The following ANKRD27 variants were observed in gnomAD, a reference collection of about 807,000 sequenced individuals.
ANKRD27 encodes ankyrin repeat domain 27.
In ANKRD27, 112 loss-of-function variants were observed where a neutral mutation model predicts 129.7. That is an observed-to-expected ratio of 0.86 (90% CI 0.74 to 1.01). The LOEUF is 1.01. Among genes scored for constraint, ANKRD27 ranks in the 50% least tolerant of loss-of-function variants. The pLI, the probability that ANKRD27 is intolerant of heterozygous loss-of-function variation, is 0.00. For missense variants in ANKRD27, 1,258 were observed against 1,300.5 expected (o/e 0.97, Z 0.50); for synonymous variants, 516 against 511.2 (o/e 1.01, Z -0.13).
chr19:32,666,495 C>T (rs10422710), intron 1 of ANKRD27: 7,515 of 152,292 alleles, frequency 0.049, 570 homozygotes, highest in African/African-American at 0.15. Context: ...CTGCTCCATG[C>T]TGCTAACTAA....
intron 16 of ANKRD27, 39 bp from the exon 17 acceptor site, chr19:32,626,005 G>T (rs200159829): frequency 6.5e-7 from 1 of 1,527,938 alleles, no homozygotes; most frequent in South Asian, 1.2e-5. Context: ...GGGCACAGCC[G>T]GCTCCCTGGG....
intron 26 of ANKRD27, among the ~76,000 whole-genome samples, chr19:32,601,531 G>A (rs1454755474): frequency 7.0e-6 from 1 of 143,278 alleles, no homozygotes; most frequent in Non-Finnish European, 1.5e-5. Context: ...AGAATGGCGT[G>A]AACCCAGGAG....
intron 1 of ANKRD27, among the ~76,000 whole-genome samples, chr19:32,666,077 T>C (rs1967749340): frequency 6.6e-6 from 1 of 152,216 alleles, no homozygotes; most frequent in African/African-American, 2.4e-5. Context: ...CCTATAATTA[T>C]GAATTTTATC....
intron 12 of ANKRD27, among the ~76,000 whole-genome samples, chr19:32,632,161 T>C (rs751700688): frequency 4.6e-5 from 7 of 151,898 alleles, no homozygotes; most frequent in South Asian, 2.1e-4. Flanking sequence ...TGGTGGTACA[T>C]GCCTGTAGTC....
chr19:32,615,343 G>A (rs1226585859), intron 22 of ANKRD27, among the ~76,000 whole-genome samples: 1 of 152,162 alleles, frequency 6.6e-6, no homozygotes, highest in African/African-American at 2.4e-5. Flanking sequence ...CCAGCACTGT[G>A]GGAGGCTGAG....
chr19:32,656,188 A>G (rs1205160815), intron 2 of ANKRD27, among the ~76,000 whole-genome samples: 2 of 152,226 alleles, frequency 1.3e-5, no homozygotes, highest in Non-Finnish European at 2.9e-5. Context: ...CACCATGCTG[A>G]GCAAGATAGA....
intron 2 of ANKRD27, among the ~76,000 whole-genome samples, chr19:32,652,065 TA>T (rs1219823841): frequency 6.6e-6 from 1 of 152,184 alleles, no homozygotes; most frequent in Non-Finnish European, 1.5e-5. Context: ...TTGCCTGGGA[TA>T]GGGGGTAGAG....
At chr19:32,674,080 C>T (rs1354770815) in intron 1 of ANKRD27, among the ~76,000 whole-genome samples, 1 of 151,984 alleles carries the variant, frequency 6.6e-6, no homozygotes, top group Non-Finnish European at 1.5e-5. Context: ...TTGCTTGAGT[C>T]CAGGAGTTTG....
chr19:32,650,911 G>GC (rs1270013332), intron 2 of ANKRD27, among the ~76,000 whole-genome samples: 2 of 85,140 alleles, frequency 2.3e-5, no homozygotes, highest in Non-Finnish European at 5.4e-5. Context: ...ACCATGACCA[G>GC]CATTTTTTTT....
At chr19:32,619,039 G>T (rs1213988813) in intron 20 of ANKRD27, among the ~76,000 whole-genome samples, 1 of 152,210 alleles carries the variant, frequency 6.6e-6, no homozygotes. Flanking sequence ...TGCTGCTCAG[G>T]GAGTGGTCCA....
At chr19:32,610,968 G>GA (rs1171318059) in intron 22 of ANKRD27, among the ~76,000 whole-genome samples, 15 of 150,200 alleles carry the variant, frequency 1.0e-4, no homozygotes, top group African/African-American at 2.9e-4. Context: ...GTGACAGAGT[G>GA]AAACCCCATC....
At chr19:32,625,780 T>G in intron 17 of ANKRD27, 94 bp downstream of exon 17, 6 of 1,103,930 alleles carry the variant, frequency 5.4e-6, no homozygotes, top group Non-Finnish European at 7.5e-6. Flanking sequence ...GTTCCAATAA[T>G]TATCGACACA....
chr19:32,636,207 G>T, intron 12 of ANKRD27: 1 of 161,458 alleles, frequency 6.2e-6, no homozygotes, highest in South Asian at 1.6e-4. Context: ...AGCCTCAGAC[G>T]ACTGCTGAGC....
intron 14 of ANKRD27, 24 bp downstream of exon 14, chr19:32,628,698 G>A: frequency 6.2e-7 from 1 of 1,613,202 alleles, no homozygotes; most frequent in Non-Finnish European, 8.5e-7. Context: ...CTGGCACTCT[G>A]AGCCTCCACC....
rs1382656686 is a variant in ANKRD27, at chr19:32,642,075, C to T, written c.853G>A (p.Val285Ile). ...NKCTSPQQKL[V>I]CLRKVVQLIT... ...AGCTGCACCACTTTTCGCAAGCAGA[C>T]AAGCTTCTGCTGTGGGGAGGTGCAT... The change falls in exon 10 of 29, where the codon GTC becomes ATC. Residue 285 changes from valine (V) to isoleucine (I), a missense_variant. Val to Ile is a conservative substitution (Grantham distance 29). Transcript: ENST00000306065. The T allele has an allele frequency of 6.2e-7, 1 of 1,611,288 alleles. No individual in the cohort carries two copies. The highest frequency in any genetic ancestry group is 8.5e-7 in the Non-Finnish European group (1 of 1,177,988).
At chr19:32,606,979 A>AAAAAAT (rs1971751882) in intron 23 of ANKRD27, among the ~76,000 whole-genome samples, 1 of 137,346 alleles carries the variant, frequency 7.3e-6, no homozygotes, top group Non-Finnish European at 1.5e-5. Flanking sequence ...AAAAAAGAAA[A>AAAAAAT]ATTTATCTAG....
chr19:32,624,679 G>T (rs941019601), intron 17 of ANKRD27, among the ~76,000 whole-genome samples: 3 of 152,220 alleles, frequency 2.0e-5, no homozygotes, highest in African/African-American at 4.8e-5. Flanking sequence ...GGTGGCTCAT[G>T]CCTGTATTCC....
Position 32,673,551 on chromosome 19 carries a change from C to T in ANKRD27, c.-31+1520G>A, listed in dbSNP as rs980140651. On this transcript the variant is annotated intron_variant, in intron 1 of 28. Coordinates refer to ENST00000306065, the MANE Select transcript of ANKRD27 (RefSeq NM_032139.3). The stretch of plus-strand genomic sequence containing the variant: ...TGGCCACCTTTGCAGCTTCCTCACC[C>T]TCTGCTGTCTCCAAAGCTTCCCCCG... The T allele has an allele frequency of 1.3e-5, 8 of 595,982 alleles. No individual in the cohort carries two copies. The African/African-American group carries it at 1.6e-4, about 12-fold the overall frequency. The allele number at this position is 595,982 out of a possible 1,614,324, so 36.9% of individuals were successfully genotyped here.
rs573520755 is a variant in ANKRD27 at position 32,608,395 on chromosome 19, G to A, written c.2176-563C>T. On this transcript the variant is annotated intron_variant, in intron 22 of 28. Transcript: ENST00000306065. ...ATGGCCACAGCCCCGCAAAGGCGAC[G>A]AGATTCACTTGCTGTTTGCACCTCT... 2.1e-3 allele frequency: 746 copies of A among 355,854 alleles called. 11 individuals carry two copies. Among genetic ancestry groups the A allele is most frequent in the Non-Finnish European group, 3.2e-3 (561 of 176,594 alleles). 22.0% of individuals were successfully genotyped at this position (355,854 alleles called of 1,614,324 possible). A position where few individuals can be genotyped will look rare whatever the true frequency, so the allele number is the denominator to read the frequency against.
Sources: allele counts gnomAD v4.1 joint callset (sites outside exome capture counted in the v4.1 genomes callset), GRCh38; gene constraint gnomAD v4.1.1; transcripts MANE v1.5; gene names NCBI Gene and HGNC (gene_info 2026-07-23, HGNC 2026-07-21).